The following CDH18 variants were observed in gnomAD, a reference collection of about 807,000 sequenced individuals.
CDH18 encodes the protein cadherin 18.
A neutral mutation model predicts 67.9 loss-of-function variants in CDH18; 31 were observed. That is an observed-to-expected ratio of 0.46 (90% CI 0.34 to 0.62). The LOEUF (loss-of-function observed/expected upper bound fraction) is 0.62, where lower values mean the gene tolerates loss of function less well. CDH18 is among the 20% of genes least tolerant of loss of function. The pLI is 0.01. For synonymous variants in CDH18, 362 were observed against 347.2 expected, an observed-to-expected ratio of 1.04 and a Z score of -0.48; for missense variants, 890 against 975.5, an observed-to-expected ratio of 0.91 and a Z score of 1.17.
intron 2 of CDH18, among the ~76,000 whole-genome samples, chr5:20,111,835 G>A (rs1000986887): frequency 5.3e-5 from 8 of 151,932 alleles, no homozygotes; most frequent in Non-Finnish European, 7.4e-5. Flanking sequence ...GAGCCACCAC[G>A]CCCAGCTGAA....
At chr5:20,241,845 C>G (rs1262312740) in intron 2 of CDH18, among the ~76,000 whole-genome samples, 1 of 103,076 alleles carries the variant, frequency 9.7e-6, no homozygotes, top group East Asian at 2.8e-4. Context: ...GAGGGAGACC[C>G]TGTCGCAAAA....
intron 1 of CDH18, among the ~76,000 whole-genome samples, chr5:20,542,403 G>T (rs1757099586): frequency 1.3e-5 from 2 of 151,210 alleles, no homozygotes; most frequent in Admixed American, 6.6e-5. Context: ...TGTGGTAAGG[G>T]TTTCTATTAG....
intron 2 of CDH18, among the ~76,000 whole-genome samples, chr5:20,097,893 C>T (rs1014211509): frequency 6.6e-6 from 1 of 151,856 alleles, no homozygotes; most frequent in Non-Finnish European, 1.5e-5. Context: ...TTAGGAAATT[C>T]GACTTTTGTG....
chr5:20,407,368 G>T (rs1411436762), intron 1 of CDH18, among the ~76,000 whole-genome samples: 1 of 152,078 alleles, frequency 6.6e-6, no homozygotes, highest in Admixed American at 6.6e-5. Context: ...GTTTAGGGTA[G>T]CACAAAGGTT....
At position 19,841,977 on chromosome 5, in the gene CDH18, A is replaced by G. The variant is rs561642322; in HGVS notation, c.-256-2735T>C. 1.2e-4 allele frequency among the ~76,000 whole-genome samples: 19 copies of G among 152,356 alleles called. No individual in the cohort carries two copies. The South Asian group carries it at 3.5e-3, about 28-fold the overall frequency. The stretch of plus-strand genomic sequence containing the variant: ...AGCGCTTATGGAGATAATTTTATTT[A>G]CTATATAATAAGAGGACATAACTTC... On this transcript the variant is annotated intron_variant, in intron 2 of 12. Coordinates refer to ENST00000382275, the MANE Select transcript of CDH18 (RefSeq NM_004934.5).
intron 1 of CDH18, among the ~76,000 whole-genome samples, chr5:20,561,075 G>T (rs1758181694): frequency 6.6e-6 from 1 of 152,066 alleles, no homozygotes; most frequent in Non-Finnish European, 1.5e-5. Flanking sequence ...ACATGTGCTA[G>T]AATGGCCAAA....
intron 1 of CDH18, among the ~76,000 whole-genome samples, chr5:20,517,483 C>T (rs74720871): frequency 0.017 from 2,560 of 151,760 alleles, 69 homozygotes; most frequent in African/African-American, 0.057. Context: ...TACTTAATTT[C>T]CTTGACCAAT....
At chr5:20,573,605 CAAT>C (rs909062500) in intron 1 of CDH18, among the ~76,000 whole-genome samples, 1 of 150,184 alleles carries the variant, frequency 6.7e-6, no homozygotes, top group African/African-American at 2.4e-5. Flanking sequence ...TTATTAAAAG[CAAT>C]AATACAATTA....
intron 1 of CDH18, among the ~76,000 whole-genome samples, chr5:20,334,748 T>TCACACACA (rs1481736288): frequency 8.5e-6 from 1 of 117,488 alleles, no homozygotes; most frequent in African/African-American, 3.9e-5. Flanking sequence ...TCTCTCTCTC[T>TCACACACA]CTCATACACA....
chr5:20,178,384 C>A, intron 2 of CDH18, among the ~76,000 whole-genome samples: 1 of 151,544 alleles, frequency 6.6e-6, no homozygotes, highest in East Asian at 2.0e-4. Flanking sequence ...CTTCTTGGTT[C>A]TGTTTCTCTG....
intron 2 of CDH18, among the ~76,000 whole-genome samples, chr5:20,040,648 T>C (rs535064159): frequency 6.6e-6 from 1 of 152,268 alleles, no homozygotes; most frequent in African/African-American, 2.4e-5. Context: ...GAGTATTGCT[T>C]GTTGTTCATT....
intron 10 of CDH18, among the ~76,000 whole-genome samples, chr5:19,507,549 T>C (rs1744398020): frequency 1.3e-5 from 2 of 152,162 alleles, no homozygotes; most frequent in South Asian, 2.1e-4. Flanking sequence ...ATGTGGCATG[T>C]ATACACCATG....
At chr5:20,087,198 A>T (rs1055852719) in intron 2 of CDH18, among the ~76,000 whole-genome samples, 1 of 152,158 alleles carries the variant, frequency 6.6e-6, no homozygotes, top group Non-Finnish European at 1.5e-5. Context: ...GAGGCCTGTA[A>T]ATGTGACTGA....
chr5:20,573,841 A>ATATATATG (rs1758950625), intron 1 of CDH18, among the ~76,000 whole-genome samples: 1 of 64,896 alleles, frequency 1.5e-5, no homozygotes, highest in East Asian at 2.6e-4. Context: ...ATATATATAT[A>ATATATATG]TATGTATTTA....
intron 5 of CDH18, among the ~76,000 whole-genome samples, chr5:19,694,089 A>G (rs1460850770): frequency 6.6e-6 from 1 of 152,166 alleles, no homozygotes; most frequent in Non-Finnish European, 1.5e-5. Flanking sequence ...CAAAAAACAG[A>G]CGCACAAACA....
intron 2 of CDH18, among the ~76,000 whole-genome samples, chr5:20,107,245 TA>T (rs1483414768): frequency 6.6e-6 from 1 of 152,082 alleles, no homozygotes; most frequent in Non-Finnish European, 1.5e-5. Context: ...CACGCCCGGC[TA>T]TTTTTTTAGT....
chr5:20,510,151 A>C (rs919073945), intron 1 of CDH18, among the ~76,000 whole-genome samples: 6 of 152,020 alleles, frequency 3.9e-5, no homozygotes, highest in Admixed American at 2.6e-4. Context: ...GTGATGTTGA[A>C]ATTTTTTTTC....
intron 5 of CDH18, among the ~76,000 whole-genome samples, chr5:19,706,990 T>C (rs1270902836): frequency 6.6e-6 from 1 of 152,168 alleles, no homozygotes; most frequent in African/African-American, 2.4e-5. Context: ...GCAGAGCAAC[T>C]GGTTTGGTGG....
chr5:20,259,666 A>C (rs1744499689), intron 1 of CDH18, among the ~76,000 whole-genome samples: 1 of 152,158 alleles, frequency 6.6e-6, no homozygotes, highest in Non-Finnish European at 1.5e-5. Flanking sequence ...TGTTATCTGT[A>C]AGGCTGCTGG....
Sources: allele counts gnomAD v4.1 joint callset (sites outside exome capture counted in the v4.1 genomes callset), GRCh38; gene constraint gnomAD v4.1.1; transcripts MANE v1.5; gene names NCBI Gene and HGNC (gene_info 2026-07-23, HGNC 2026-07-21).